SH3RF1: variants seen among roughly 807,000 people sequenced by gnomAD.
SH3RF1 encodes SH3 domain containing ring finger 1.
A neutral mutation model predicts 74.0 loss-of-function variants in SH3RF1; 32 were observed. The ratio of observed to expected loss-of-function variants is 0.43; its 90% CI spans 0.33 to 0.58. The LOEUF is 0.58. Among genes scored for constraint, SH3RF1 ranks in the 20% least tolerant of loss-of-function variants. SH3RF1 has a pLI of 0.05. For missense variants in SH3RF1, 954 were observed against 1,130.9 expected (o/e 0.84, Z 2.24); for synonymous variants, 396 against 439.6 (o/e 0.90, Z 1.24).
At chr4:169,168,556 G>C (rs1018784262) in intron 2 of SH3RF1, among the ~76,000 whole-genome samples, 2 of 152,216 alleles carry the variant, frequency 1.3e-5, no homozygotes, top group Non-Finnish European at 2.9e-5. Flanking sequence ...CTTACACAAA[G>C]AGAGTAAGTC....
At chr4:169,260,018 G>A (rs1403779248) in intron 2 of SH3RF1, among the ~76,000 whole-genome samples, 1 of 152,202 alleles carries the variant, frequency 6.6e-6, no homozygotes, top group Non-Finnish European at 1.5e-5. Context: ...ATATACTAGA[G>A]AGGGGATAGA....
At chr4:169,172,529 A>G (rs1734347912) in intron 2 of SH3RF1, among the ~76,000 whole-genome samples, 1 of 152,212 alleles carries the variant, frequency 6.6e-6, no homozygotes, top group African/African-American at 2.4e-5. Flanking sequence ...ATATAGTTGT[A>G]TTATGTTAGG....
At chr4:169,265,228 A>G (rs1199707478) in intron 2 of SH3RF1, among the ~76,000 whole-genome samples, 1 of 152,232 alleles carries the variant, frequency 6.6e-6, no homozygotes. Context: ...TTTGTCTACC[A>G]TTACCTATCC....
At chr4:169,262,238 A>C (rs1445931704) in intron 2 of SH3RF1, among the ~76,000 whole-genome samples, 1 of 152,214 alleles carries the variant, frequency 6.6e-6, no homozygotes, top group Non-Finnish European at 1.5e-5. Context: ...ATGCATACAC[A>C]TATAAATGTA....
intron 4 of SH3RF1, among the ~76,000 whole-genome samples, chr4:169,150,458 G>A (rs778436449): frequency 9.2e-5 from 14 of 152,022 alleles, no homozygotes; most frequent in African/African-American, 1.5e-4. Context: ...ATTAACATAC[G>A]TATTACCTCA....
In SH3RF1 at chr4:169,130,164, G is replaced by T. The variant is rs759013706; in HGVS notation, c.1069-8C>A. 3.3e-6 allele frequency: 5 copies of T among 1,532,588 alleles called. No individual in the cohort carries two copies. The South Asian group carries it at 6.3e-5, about 19-fold the overall frequency. The allele number at this position is 1,532,588 out of a possible 1,614,324, so 94.9% of individuals were successfully genotyped here. A position where few individuals can be genotyped will look rare whatever the true frequency, so the allele number is the denominator to read the frequency against. ...GGTGGTACTTATATGAACCTGCCGA[G>T]AAAAGAAAAGTTATTAAAAAGAAGA... On this transcript the variant is annotated splice_polypyrimidine_tract_variant and splice_region_variant and intron_variant, in intron 5 of 11. Coordinates refer to ENST00000284637, the MANE Select transcript of SH3RF1 (RefSeq NM_020870.4).
chr4:169,164,019 GC>G (rs1240695655), intron 2 of SH3RF1, among the ~76,000 whole-genome samples: 4 of 152,192 alleles, frequency 2.6e-5, no homozygotes, highest in Non-Finnish European at 5.9e-5. Context: ...TCAGGACCCA[GC>G]CCAGGCATTG....
intron 2 of SH3RF1, among the ~76,000 whole-genome samples, chr4:169,196,625 C>T (rs1734816719): frequency 6.6e-6 from 1 of 152,132 alleles, no homozygotes; most frequent in Non-Finnish European, 1.5e-5. Flanking sequence ...AGAAGCTGGA[C>T]TTCCTTTCTT....
chr4:169,096,995 T>C (rs1421185931), intron 11 of SH3RF1, among the ~76,000 whole-genome samples: 2 of 152,182 alleles, frequency 1.3e-5, no homozygotes. Flanking sequence ...AGAGTTTCAT[T>C]TCATTTCCCG....
chr4:169,266,645 G>T (rs1326693861), intron 2 of SH3RF1, among the ~76,000 whole-genome samples: 3 of 139,280 alleles, frequency 2.2e-5, no homozygotes, highest in Non-Finnish European at 3.1e-5. Context: ...GGGAGGGGTA[G>T]CAGGGGGAGG....
intron 2 of SH3RF1, among the ~76,000 whole-genome samples, chr4:169,234,987 C>T (rs1730804450): frequency 6.6e-6 from 1 of 152,196 alleles, no homozygotes; most frequent in Non-Finnish European, 1.5e-5. Flanking sequence ...GGCAAGATCA[C>T]TCTCATACCC....
chr4:169,267,911 CCTT>C (rs1041767875), intron 2 of SH3RF1, among the ~76,000 whole-genome samples: 36 of 152,054 alleles, frequency 2.4e-4, no homozygotes, highest in African/African-American at 7.7e-4. Context: ...ATTTAGAATT[CCTT>C]CTTCTTACAA....
chr4:169,193,625 C>T (rs751739793), intron 2 of SH3RF1, among the ~76,000 whole-genome samples: 1 of 152,198 alleles, frequency 6.6e-6, no homozygotes, highest in South Asian at 2.1e-4. Flanking sequence ...ATTGTAATGG[C>T]TGAGTAATTA....
At chr4:169,142,016 C>T (rs573993380) in intron 4 of SH3RF1, among the ~76,000 whole-genome samples, 35 of 152,184 alleles carry the variant, frequency 2.3e-4, no homozygotes, top group Non-Finnish European at 4.1e-4. Context: ...GACAGGGTTT[C>T]ACCGTGTTAG....
chr4:169,221,379 A>T (rs1730561798), intron 2 of SH3RF1, among the ~76,000 whole-genome samples: 1 of 152,222 alleles, frequency 6.6e-6, no homozygotes, highest in Non-Finnish European at 1.5e-5. Context: ...CTTCCAGATG[A>T]CATGGGGTTG....
chr4:169,204,299 T>C (rs1730196589), intron 2 of SH3RF1, among the ~76,000 whole-genome samples: 2 of 12,372 alleles, frequency 1.6e-4, no homozygotes, highest in Admixed American at 3.6e-3. Context: ...ACTAATTCAA[T>C]GAATTTCCAG....
chr4:169,251,395 A>G (rs2110746390), intron 2 of SH3RF1, among the ~76,000 whole-genome samples: 1 of 152,326 alleles, frequency 6.6e-6, no homozygotes, highest in Non-Finnish European at 1.5e-5. Flanking sequence ...AGATAATCTC[A>G]GTCAAGCAGC....
At chr4:169,129,515 A>T (rs1378772071) in intron 6 of SH3RF1, among the ~76,000 whole-genome samples, 2 of 152,228 alleles carry the variant, frequency 1.3e-5, no homozygotes, top group African/African-American at 4.8e-5. Context: ...TGTTTTCAGA[A>T]GGGAAATCAA....
chr4:169,235,435 TA>T (rs905384420), intron 2 of SH3RF1, among the ~76,000 whole-genome samples: 1 of 152,198 alleles, frequency 6.6e-6, no homozygotes, highest in Non-Finnish European at 1.5e-5. Flanking sequence ...CATGATATGA[TA>T]ACTCTGTAAG....
Sources: allele counts gnomAD v4.1 joint callset (sites outside exome capture counted in the v4.1 genomes callset), GRCh38; gene constraint gnomAD v4.1.1; transcripts MANE v1.5; gene names NCBI Gene and HGNC (gene_info 2026-07-23, HGNC 2026-07-21).